Variants in ALPP observed in about 807,000 individuals in gnomAD.
ALPP encodes the protein alkaline phosphatase, placental type.
A neutral mutation model predicts 50.7 loss-of-function variants in ALPP; 39 were observed. That is an observed-to-expected ratio of 0.77 (90% confidence interval 0.60 to 1.00). The LOEUF (loss-of-function observed/expected upper bound fraction) is 1.00. Among genes scored for constraint, ALPP ranks in the 50% least tolerant of loss-of-function variants. ALPP has a pLI of 0.00. For missense variants in ALPP, 550 were observed against 746.8 expected (o/e 0.74, Z 3.07); for synonymous variants, 226 against 320.3 (o/e 0.71, Z 3.14).
At chr2:232,381,182 G>A (rs2106379160) in intron 9 of ALPP, 69 bp from the exon 10 acceptor site, 8 of 1,607,802 alleles carry the variant, frequency 5.0e-6, no homozygotes, top group Non-Finnish European at 6.8e-6. Context: ...AAAACGTGGC[G>A]GTGCCTAGCA....
In ALPP at chr2:232,378,893, C is replaced by T. The variant is rs375527529; in HGVS notation, c.76+15C>T. 126 of 1,612,632 alleles carry T rather than the reference C, an allele frequency of 7.8e-5. No individual in the cohort carries two copies. Among genetic ancestry groups the T allele is most frequent in the South Asian group, 5.9e-4 (54 of 91,042 alleles). On this transcript the variant is annotated intron_variant, in intron 1 of 10. Transcript: ENST00000392027. ...CATCATCCCAGGTAATGAGGCTCCC[C>T]GAGCTGCCCCTACACAACACACACA...
chr2:232,381,654 C>T lies in ALPP; in HGVS notation c.1467C>T (p.Cys489=). 1 of 1,611,296 alleles carries T rather than the reference C, an allele frequency of 6.2e-7. No individual in the cohort carries two copies. Among genetic ancestry groups the T allele is most frequent in the Non-Finnish European group, 8.5e-7 (1 of 1,179,228 alleles). The change falls in exon 11 of 11, where the codon TGC becomes TGT. Residue 489 remains cysteine, a synonymous_variant. Coordinates refer to ENST00000392027, the MANE Select transcript of ALPP (RefSeq NM_001632.5). ...CGCACGTCATGGCCTTCGCCGCCTGCCTGGAGCCCTACACCGCCTGCGACC... is the reference window on the plus strand; with the variant it reads ...CGCACGTCATGGCCTTCGCCGCCTGTCTGGAGCCCTACACCGCCTGCGACC... ...FIAHVMAFAA[C]LEPYTACDLA... is the part of the protein sequence containing the mutation.
chr2:232,379,805 G>T lies in ALPP; in HGVS notation c.526G>T (p.Ala176Ser), dbSNP rs774509069. The T allele has an allele frequency of 4.2e-5, 67 of 1,613,674 alleles. No individual in the cohort carries two copies. Among genetic ancestry groups the T allele is most frequent in the Non-Finnish European group, 4.6e-5 (54 of 1,180,036 alleles). ...GVVTTTRVQH[A>S]SPAGTYAHTV... ...GGTAACCACCACACGAGTGCAGCAC[G>T]CCTCGCCAGCCGGCACCTACGCCCA... is the stretch of plus-strand genomic sequence containing the variant. The change falls in exon 5 of 11, where the codon GCC (alanine) becomes TCC (serine). Residue 176 changes from alanine (A) to serine (S), a missense_variant. Physicochemically the swap from Ala to Ser is moderately conservative, Grantham distance 99 (BLOSUM62 1). Coordinates refer to ENST00000392027, the MANE Select transcript of ALPP (RefSeq NM_001632.5).
In ALPP at chr2:232,381,379, G is replaced by A. The variant is rs1410242219; in HGVS notation, c.1309+12G>A. On this transcript the variant is annotated intron_variant, in intron 10 of 10. Transcript: ENST00000392027. Reference sequence around the variant, plus strand: ...CGAGAGCGAGAGCGGTGAGTGCCGCGGGGTGGCCCCCTGAGGGGGACCAGG... The same window carrying A: ...CGAGAGCGAGAGCGGTGAGTGCCGCAGGGTGGCCCCCTGAGGGGGACCAGG... 7 of 1,614,006 alleles carry A rather than the reference G, an allele frequency of 4.3e-6. No individual in the cohort carries two copies. The highest frequency in any genetic ancestry group is 1.7e-5 in the Admixed American group (1 of 60,010).
chr2:232,378,775 C>G lies in ALPP; in HGVS notation c.-28C>G. On this transcript the variant is annotated 5_prime_UTR_variant, in exon 1 of 11. Transcript: ENST00000392027. ...CATACTCCATGCCCAGAATTCCTGC[C>G]TCGCCACTGTCCTGCTGCCCTCCAG... The G allele has an allele frequency of 6.2e-7, 1 of 1,609,484 alleles. No individual in the cohort carries two copies. The highest frequency in any genetic ancestry group is 1.3e-5 in the African/African-American group (1 of 74,972).
In ALPP at chr2:232,379,956, G is replaced by C; in HGVS notation, c.657+20G>C. The stretch of plus-strand genomic sequence containing the variant: ...ATTGACGTGCGACCCCCAGGCCAAG[G>C]GCTGGGGCTGGGCAGAGAGTAGCAG... On this transcript the variant is annotated intron_variant, in intron 5 of 10. Coordinates refer to ENST00000392027, the MANE Select transcript of ALPP (RefSeq NM_001632.5). 6.3e-7 allele frequency: 1 copy of C among 1,591,650 alleles called. No homozygotes were observed. The highest frequency in any genetic ancestry group is 2.2e-5 in the East Asian group (1 of 44,762).
rs148586042 is a variant in ALPP at position 232,380,442 on chromosome 2, G to A, written c.815G>A (p.Arg272His). The change falls in exon 7 of 11, where the codon CGC (arginine) becomes CAC (histidine). Residue 272 changes from arginine to histidine, a missense_variant. Physicochemically the swap from Arg to His is conservative, Grantham distance 29. Transcript: ENST00000392027. Reference sequence around the variant, plus strand: ...CAGGGTGCCCGGTATGTGTGGAACCGCACTGAGCTCATGCAGGCTTCCCTG... The same window carrying A: ...CAGGGTGCCCGGTATGTGTGGAACCACACTGAGCTCATGCAGGCTTCCCTG... ...KRQGARYVWN[R>H]TELMQASLDP... 99 of 1,613,774 alleles carry A rather than the reference G, an allele frequency of 6.1e-5. No individual in the cohort carries two copies. Among genetic ancestry groups the A allele is most frequent in the Admixed American group, 8.3e-5 (5 of 59,984 alleles).
Position 232,378,772 on chromosome 2 carries a change from TG to T in ALPP, c.-30del, listed in dbSNP as rs777526033. The T allele has an allele frequency of 3.1e-6, 5 of 1,608,812 alleles. No homozygotes were observed. The South Asian group carries it at 5.5e-5, about 18-fold the overall frequency. ...GCTCATACTCCATGCCCAGAATTCCTGCCTCGCCACTGTCCTGCTGCCCTCC... is the reference window on the plus strand; with the variant it reads ...GCTCATACTCCATGCCCAGAATTCCTCCTCGCCACTGTCCTGCTGCCCTCC... On this transcript the variant is annotated 5_prime_UTR_variant, in exon 1 of 11. Coordinates refer to ENST00000392027, the MANE Select transcript of ALPP (RefSeq NM_001632.5).
rs1321062808 is a variant in ALPP at position 232,382,530 on chromosome 2, CAAG to C, written c.*739_*741del. The C allele has an allele frequency of 6.6e-6, 1 of 152,250 alleles. No homozygotes were observed. The highest frequency in any genetic ancestry group is 6.5e-5 in the Admixed American group (1 of 15,282). The allele number at this position is 152,250 out of a possible 1,614,324, so 9.4% of individuals were successfully genotyped here. A position where few individuals can be genotyped will look rare whatever the true frequency, so the allele number is the denominator to read the frequency against. Reference sequence around the variant, plus strand: ...ATCTGGACACTGGGCATAGATTTCTCAAGAAGGAAGACTCCCCTGCCTCCCCAG... The same window carrying C: ...ATCTGGACACTGGGCATAGATTTCTCAAGGAAGACTCCCCTGCCTCCCCAG... On this transcript the variant is annotated 3_prime_UTR_variant, in exon 11 of 11. Coordinates refer to ENST00000392027, the MANE Select transcript of ALPP (RefSeq NM_001632.5).
chr2:232,379,170 C>A (rs1359349763), intron 2 of ALPP, 30 bp from the exon 3 acceptor site: 17 of 1,614,000 alleles, frequency 1.1e-5, no homozygotes, highest in East Asian at 4.5e-5. Context: ...AGCCCTGGGG[C>A]CCAAGCCTCA....
chr2:232,381,670 G>T lies in ALPP; in HGVS notation c.1483G>T (p.Ala495Ser). The T allele has an allele frequency of 6.2e-7, 1 of 1,609,838 alleles. No homozygotes were observed. Among genetic ancestry groups the T allele is most frequent in the Non-Finnish European group, 8.5e-7 (1 of 1,178,752 alleles). Residue 495 changes from alanine to serine, a missense_variant, in exon 11 of 11, where the codon GCC (alanine) becomes TCC (serine). Ala to Ser is a moderately conservative substitution (Grantham distance 99). Around this residue, in one of 5 missense-constraint regions of ALPP, gnomAD observed 155 missense variants for 167.6 expected, o/e 0.92. Transcript: ENST00000392027. ...AFAACLEPYT[A>S]CDLAPPAGTT... is the part of the protein sequence containing the mutation. ...CGCCGCCTGCCTGGAGCCCTACACC[G>T]CCTGCGACCTGGCGCCCCCCGCCGG... is the stretch of plus-strand genomic sequence containing the variant.
chr2:232,381,567 G>A lies in ALPP; in HGVS notation c.1380G>A (p.Ala460=), dbSNP rs1261155097. 1.2e-6 allele frequency: 2 copies of A among 1,612,868 alleles called. 1 individual carries two copies. Among genetic ancestry groups the A allele is most frequent in the Non-Finnish European group, 1.7e-6 (2 of 1,179,756 alleles). The change falls in exon 11 of 11, where the codon GCG becomes GCA. Residue 460 remains alanine, a synonymous_variant. Coordinates refer to ENST00000392027, the MANE Select transcript of ALPP (RefSeq NM_001632.5). ...AGACCCACGCAGGCGAGGACGTGGC[G>A]GTGTTCGCGCGCGGCCCGCAGGCGC... The part of the protein sequence containing the change: ...DEETHAGEDV[A]VFARGPQAHL...
Position 232,380,412 on chromosome 2 carries a change from C to T in ALPP, c.793-8C>T. 1 of 1,613,810 alleles carries T rather than the reference C, an allele frequency of 6.2e-7. No individual in the cohort carries two copies. The highest frequency in any genetic ancestry group is 1.7e-5 in the Admixed American group (1 of 60,020). On this transcript the variant is annotated splice_polypyrimidine_tract_variant and splice_region_variant and intron_variant, in intron 6 of 10. Transcript: ENST00000392027. ...TGGGCTGAGGCCTGGCTCTCTCCCT[C>T]CCCACAGGGTGCCCGGTATGTGTGG...
chr2:232,381,177 G>C (rs1369264327), intron 9 of ALPP, 74 bp from the exon 10 acceptor site: 5 of 1,607,628 alleles, frequency 3.1e-6, no homozygotes, highest in Non-Finnish European at 3.4e-6. Flanking sequence ...CAGGCAAAAC[G>C]TGGCGGTGCC....
In ALPP at chr2:232,381,489, C is replaced by T; in HGVS notation, c.1310-8C>T. The T allele has an allele frequency of 6.2e-7, 1 of 1,613,094 alleles. No homozygotes were observed. Among genetic ancestry groups the T allele is most frequent in the African/African-American group, 1.3e-5 (1 of 75,040 alleles). On this transcript the variant is annotated splice_polypyrimidine_tract_variant and splice_region_variant and intron_variant, in intron 10 of 10. Transcript: ENST00000392027. Reference sequence around the variant, plus strand: ...AACCCTCCTACCGGAACTGAACCCTCCAACCAGGGAGCCCCGAGTATCGGC... The same window carrying T: ...AACCCTCCTACCGGAACTGAACCCTTCAACCAGGGAGCCCCGAGTATCGGC...
intron 3 of ALPP, 83 bp from the exon 4 acceptor site, chr2:232,379,430 A>T (rs1696662367): frequency 6.3e-7 from 1 of 1,594,448 alleles, no homozygotes; most frequent in East Asian, 2.3e-5. Flanking sequence ...AGTTAGAGGC[A>T]GTTGGAATCC....
chr2:232,379,728 A>T (rs1327522372), intron 4 of ALPP, 36 bp from the exon 5 acceptor site: 1 of 1,614,008 alleles, frequency 6.2e-7, no homozygotes, highest in Admixed American at 1.7e-5. Flanking sequence ...CAGGTCACAG[A>T]CGTTGGTCAC....
Position 232,382,457 on chromosome 2 carries a change from G to A in ALPP, c.*662G>A, listed in dbSNP as rs1215232192. ...CTGAGATCCGAGGAGCTCCTGGGAA[G>A]CCCTGGGTGCAGGACACTGGTCGAG... On this transcript the variant is annotated 3_prime_UTR_variant, in exon 11 of 11. Coordinates refer to ENST00000392027, the MANE Select transcript of ALPP (RefSeq NM_001632.5). 2 of 153,106 alleles carry A rather than the reference G, an allele frequency of 1.3e-5. No individual in the cohort carries two copies. Among genetic ancestry groups the A allele is most frequent in the Non-Finnish European group, 2.9e-5 (2 of 68,804 alleles). 9.5% of individuals were successfully genotyped at this position (153,106 alleles called of 1,614,324 possible). A position where few individuals can be genotyped will look rare whatever the true frequency, so the allele number is the denominator to read the frequency against.
intron 3 of ALPP, 66 bp from the exon 4 acceptor site, chr2:232,379,447 A>G: frequency 6.2e-7 from 1 of 1,603,070 alleles, no homozygotes; most frequent in Non-Finnish European, 8.5e-7. Flanking sequence ...ATCCCAGAGG[A>G]CAGAGATCAG....
Sources: allele counts gnomAD v4.1 joint callset, GRCh38; gene constraint gnomAD v4.1.1; regional missense constraint gnomAD v4.1.1; transcripts MANE v1.5; gene names NCBI Gene and HGNC (gene_info 2026-07-23, HGNC 2026-07-21).